PKHD1L1: variants seen among roughly 807,000 people sequenced by gnomAD.
The protein encoded by PKHD1L1 is fibrocystin-L.
PKHD1L1 carries 434 observed loss-of-function variants against 462.9 expected under a neutral mutation model. The observed-to-expected ratio is 0.94, with a 90% CI of 0.87 to 1.02. The LOEUF (loss-of-function observed/expected upper bound fraction) is 1.02. Among genes scored for constraint, PKHD1L1 ranks in the 50% least tolerant of loss-of-function variants. The pLI, the probability that PKHD1L1 is intolerant of heterozygous loss-of-function variation, is 0.00. For missense variants in PKHD1L1, 5,202 were observed against 5,096.1 expected (o/e 1.02, Z -0.63); for synonymous variants, 1,781 against 1,750.0 (o/e 1.02, Z -0.44).
chr8:109,460,055 T>C (rs1419259860), intron 47 of PKHD1L1, among the ~76,000 whole-genome samples: 1 of 152,012 alleles, frequency 6.6e-6, no homozygotes, highest in African/African-American at 2.4e-5. Context: ...AACATGAAGA[T>C]ATTTGAATAT....
In PKHD1L1 at chr8:109,426,988, C is replaced by G. The variant is rs576736043; in HGVS notation, c.2846-14C>G. 7.2e-7 allele frequency: 1 copy of G among 1,382,942 alleles called. No individual in the cohort carries two copies. The allele number at this position is 1,382,942 out of a possible 1,614,324, so 85.7% of individuals were successfully genotyped here. A position where few individuals can be genotyped will look rare whatever the true frequency, so the allele number is the denominator to read the frequency against. Reference sequence around the variant, plus strand: ...TTGTGACTCCTGCTGTTTGCCACCCCTCTGTGAGTGCAGGCCTCCCCGCTG... The same window carrying G: ...TTGTGACTCCTGCTGTTTGCCACCCGTCTGTGAGTGCAGGCCTCCCCGCTG... On this transcript the variant is annotated splice_polypyrimidine_tract_variant and intron_variant, in intron 24 of 77. Transcript: ENST00000378402.
chr8:109,439,667 T>C (rs1815662231), intron 32 of PKHD1L1, among the ~76,000 whole-genome samples: 1 of 151,862 alleles, frequency 6.6e-6, no homozygotes, highest in African/African-American at 2.4e-5. Context: ...ATGCAGAGAG[T>C]CTTTCTCCAA....
intron 24 of PKHD1L1, among the ~76,000 whole-genome samples, chr8:109,425,455 T>C (rs1206291312): frequency 1.3e-5 from 2 of 151,832 alleles, no homozygotes; most frequent in African/African-American, 4.8e-5. Flanking sequence ...ATCATAAAGG[T>C]GTTTCAAATC....
At position 109,486,591 on chromosome 8, in the gene PKHD1L1, TAGTAAAGAC is replaced by T. The variant is rs1353382361; in HGVS notation, c.9707-54_9707-46del. Reference sequence around the variant, plus strand: ...TTTAGCATATAAACTGCAAAGGAACTAGTAAAGACAGATACTTCTCAGCATTGGCAATAA... The same window carrying T: ...TTTAGCATATAAACTGCAAAGGAACTAGATACTTCTCAGCATTGGCAATAA... On this transcript the variant is annotated intron_variant, in intron 58 of 77. Transcript: ENST00000378402. 44 of 1,496,286 alleles carry T rather than the reference TAGTAAAGAC, an allele frequency of 2.9e-5. No individual in the cohort carries two copies. In the East Asian group the frequency reaches 9.9e-4, roughly 34 times the overall value. The allele number at this position is 1,496,286 out of a possible 1,614,324, so 92.7% of individuals were successfully genotyped here.
At chr8:109,418,988 G>T (rs7016609) in intron 21 of PKHD1L1, 109 bp from the exon 22 acceptor site, 318,352 of 975,488 alleles carry the variant, frequency 0.33, 53,902 homozygotes, top group Admixed American at 0.47. Flanking sequence ...CCTGATGGTC[G>T]TCTTGTGGGA....
chr8:109,480,253 G>C lies in PKHD1L1; in HGVS notation c.9327+114G>C, dbSNP rs183372370. ...ATTGGTGTGAATAAAAACACAACTG[G>C]CTCTATCCCATTAAATGCAAGTCTC... On this transcript the variant is annotated intron_variant, in intron 55 of 77. Coordinates refer to ENST00000378402, the MANE Select transcript of PKHD1L1 (RefSeq NM_177531.6). 2.4e-3 allele frequency: 2,674 copies of C among 1,122,262 alleles called. 8 individuals are homozygous for C. The highest frequency in any genetic ancestry group is 3.0e-3 in the Non-Finnish European group (2,391 of 799,894). 69.5% of individuals were successfully genotyped at this position (1,122,262 alleles called of 1,614,324 possible).
chr8:109,464,791 T>C lies in PKHD1L1; in HGVS notation c.7959T>C (p.Thr2653=). ...CTGCAATATTTAACTCACTTACTAC[T>C]TGGAATTGTCAAAAAGGAGCTGAAT... ...PAPAIFNSLT[T]WNCQKGAEWV... The change falls in exon 49 of 78, where the codon ACT becomes ACC. Residue 2653 remains threonine, a synonymous_variant. Coordinates refer to ENST00000378402, the MANE Select transcript of PKHD1L1 (RefSeq NM_177531.6). The C allele has an allele frequency of 6.2e-7, 1 of 1,613,798 alleles. No individual in the cohort carries two copies. Among genetic ancestry groups the C allele is most frequent in the South Asian group, 1.1e-5 (1 of 91,072 alleles).
intron 8 of PKHD1L1, among the ~76,000 whole-genome samples, chr8:109,389,946 C>T (rs1043675794): frequency 1.3e-5 from 2 of 152,026 alleles, no homozygotes; most frequent in Non-Finnish European, 2.9e-5. Context: ...CATCACTTGT[C>T]TTACATTCTC....
At chr8:109,487,769 T>G (rs1818607647) in intron 59 of PKHD1L1, among the ~76,000 whole-genome samples, 1 of 151,672 alleles carries the variant, frequency 6.6e-6, no homozygotes, top group African/African-American at 2.4e-5. Flanking sequence ...ATCCCAGCAC[T>G]TTGGGAGGCC....
At position 109,406,355 on chromosome 8, in the gene PKHD1L1, T is replaced by C; in HGVS notation, c.1690T>C (p.Ser564Pro). The change falls in exon 17 of 78, where the codon TCT (serine) becomes CCT (proline). Residue 564 changes from serine (S) to proline (P), a missense_variant. This residue lies in a region of PKHD1L1 where 4,497 missense variants were observed against 4,336.8 expected (regional missense o/e 1.04). Transcript: ENST00000378402. ...CAAAGTCTTCCTACCTGCTGATGCT[T>C]CTGAATTCATACTGCAATCAGCCTT... ...EKTVFLPADASEFILQSALND... is the reference protein window; with the variant it reads ...EKTVFLPADAPEFILQSALND... 4 of 1,552,878 alleles carry C rather than the reference T, an allele frequency of 2.6e-6. No individual in the cohort carries two copies. The highest frequency in any genetic ancestry group is 3.5e-6 in the Non-Finnish European group (4 of 1,147,730).
chr8:109,397,517 A>C (rs1052698567), intron 11 of PKHD1L1, among the ~76,000 whole-genome samples: 4 of 149,104 alleles, frequency 2.7e-5, no homozygotes, highest in African/African-American at 7.2e-5. Flanking sequence ...TCTACAAAAA[A>C]AGAAAGAAAA....
intron 9 of PKHD1L1, among the ~76,000 whole-genome samples, chr8:109,392,464 G>A (rs1365488340): frequency 6.6e-6 from 1 of 151,934 alleles, no homozygotes; most frequent in Non-Finnish European, 1.5e-5. Context: ...TTAAATTGTT[G>A]ATTCTGTGGA....
chr8:109,382,858 T>C (rs74995696), intron 4 of PKHD1L1, among the ~76,000 whole-genome samples: 4,654 of 151,060 alleles, frequency 0.031, 108 homozygotes, highest in South Asian at 0.071. Context: ...CTACTCTTAG[T>C]GTGATTCTCC....
intron 19 of PKHD1L1, among the ~76,000 whole-genome samples, chr8:109,411,511 G>A (rs1163397284): frequency 6.6e-6 from 1 of 152,074 alleles, no homozygotes; most frequent in Non-Finnish European, 1.5e-5. Flanking sequence ...TTTGAACGTA[G>A]TACTAGCAGC....
intron 2 of PKHD1L1, among the ~76,000 whole-genome samples, chr8:109,369,969 T>C (rs1170746150): frequency 1.3e-5 from 2 of 152,322 alleles, no homozygotes; most frequent in East Asian, 3.9e-4. Flanking sequence ...ATGATATTTA[T>C]TAAAATCTCT....
At chr8:109,483,140 T>A in intron 57 of PKHD1L1, 35 bp downstream of exon 57, 1 of 1,456,984 alleles carries the variant, frequency 6.9e-7, no homozygotes, top group Non-Finnish European at 9.3e-7. Context: ...AAAATGAATA[T>A]ACACAGTGGG....
chr8:109,425,259 GT>G (rs1814683904), intron 24 of PKHD1L1, 27 bp downstream of exon 24: 10 of 1,542,752 alleles, frequency 6.5e-6, no homozygotes, highest in Non-Finnish European at 8.7e-6. Context: ...TAAAATATTG[GT>G]GTATACGCAC....
At chr8:109,379,322 C>A (rs79000318) in intron 2 of PKHD1L1, among the ~76,000 whole-genome samples, 3,629 of 152,284 alleles carry the variant, frequency 0.024, 137 homozygotes, top group African/African-American at 0.083. Context: ...GCACCATCTT[C>A]TGAGAGCTTA....
intron 39 of PKHD1L1, 113 bp downstream of exon 39, chr8:109,448,504 TTTTG>T (rs1816292018): frequency 8.0e-7 from 1 of 1,243,266 alleles, no homozygotes. Flanking sequence ...CTAGTGTTTT[TTTTG>T]TTTGTTTGGT....
Sources: gnomAD v4.1 joint callset for allele counts (sites outside exome capture counted in the v4.1 genomes callset) on GRCh38, gnomAD v4.1.1 for gene constraint, gnomAD v4.1.1 regional missense constraint, MANE v1.5 for transcripts, NCBI Gene and HGNC (gene_info 2026-07-23, HGNC 2026-07-21) for gene names.